SREBF2: variants seen among roughly 807,000 people sequenced by gnomAD.
The protein encoded by SREBF2 is sterol regulatory element-binding protein 2.
Under a neutral mutation model 113.1 loss-of-function variants are expected in SREBF2, and 55 were observed. The observed-to-expected ratio is 0.49, with a 90% CI of 0.39 to 0.61. The LOEUF is 0.61. Ranked by LOEUF, SREBF2 falls within the 20% of genes least tolerant of loss-of-function variation. The pLI is 0.00. For missense variants in SREBF2, 1,349 were observed against 1,487.4 expected, an observed-to-expected ratio of 0.91 and a Z score of 1.53; for synonymous variants, 593 against 605.7, an observed-to-expected ratio of 0.98 and a Z score of 0.31.
At chr22:41,866,682 T>G in intron 1 of SREBF2, 149 bp from the exon 2 acceptor site, 1 of 903,650 alleles carries the variant, frequency 1.1e-6, no homozygotes, top group Admixed American at 1.9e-5. Flanking sequence ...GCCCAGATGA[T>G]CCCCACAAGA....
In SREBF2 at chr22:41,903,089, G is replaced by A. The variant is rs978272545; in HGVS notation, c.3027G>A (p.Ala1009=). ...ETYHASGAEL[A]GFQRDLGSLR... is the part of the protein sequence containing the mutation. Reference sequence around the variant, plus strand: ...ACCACGCGTCAGGCGCTGAACTGGCGGGCTTCCAACGGGACCTGGGCAGCC... The same window carrying A: ...ACCACGCGTCAGGCGCTGAACTGGCAGGCTTCCAACGGGACCTGGGCAGCC... The change falls in exon 17 of 19, where the codon GCG becomes GCA. Residue 1009 remains alanine, a synonymous_variant. Transcript: ENST00000361204. 13 of 1,582,002 alleles carry A rather than the reference G, an allele frequency of 8.2e-6. No homozygotes were observed. Among genetic ancestry groups the A allele is most frequent in the African/African-American group, 8.1e-5 (6 of 74,152 alleles).
intron 1 of SREBF2, among the ~76,000 whole-genome samples, chr22:41,852,087 C>T (rs1355072762): frequency 2.6e-5 from 4 of 151,932 alleles, no homozygotes; most frequent in Non-Finnish European, 5.9e-5. Flanking sequence ...TGCCACTGCA[C>T]TCCAGCCTGG....
chr22:41,848,445 C>G (rs528389589), intron 1 of SREBF2, among the ~76,000 whole-genome samples: 1 of 152,184 alleles, frequency 6.6e-6, no homozygotes, highest in Non-Finnish European at 1.5e-5. Flanking sequence ...ATAAGAGAGA[C>G]AGCCTTTCAA....
At chr22:41,896,684 A>G (rs1240159936) in intron 13 of SREBF2, among the ~76,000 whole-genome samples, 1 of 152,198 alleles carries the variant, frequency 6.6e-6, no homozygotes, top group East Asian at 1.9e-4. Context: ...TACAAGGCCC[A>G]GATCCTGATT....
At chr22:41,900,856 G>C in intron 16 of SREBF2, 1 of 510,292 alleles carries the variant, frequency 2.0e-6, no homozygotes, top group Non-Finnish European at 3.9e-6. Context: ...CAGCCTTGGA[G>C]TGGGTTCCTG....
chr22:41,900,265 C>T (rs986012821), intron 15 of SREBF2, 65 bp from the exon 16 acceptor site: 1 of 1,587,326 alleles, frequency 6.3e-7, no homozygotes, highest in East Asian at 2.3e-5. Context: ...CTGGCTTGGG[C>T]CCCTCTGCCT....
chr22:41,904,943 G>A lies in SREBF2; in HGVS notation c.3174G>A (p.Leu1058=), dbSNP rs974556422. 3.1e-6 allele frequency: 5 copies of A among 1,602,704 alleles called. No homozygotes were observed. The highest frequency in any genetic ancestry group is 1.3e-5 in the African/African-American group (1 of 74,850). ...CCCACCAGCTGCTGGAACACAGCCT[G>A]CGGCGGCGCACCACGCAGAGCACCA... ...TRTHQLLEHS[L]RRRTTQSTKH... Residue 1058 remains leucine, a synonymous_variant, in exon 18 of 19, where the codon CTG becomes CTA. Coordinates refer to ENST00000361204, the MANE Select transcript of SREBF2 (RefSeq NM_004599.4).
intron 1 of SREBF2, among the ~76,000 whole-genome samples, chr22:41,861,174 A>G (rs1569383717): frequency 2.0e-5 from 3 of 152,222 alleles, no homozygotes; most frequent in Non-Finnish European, 4.4e-5. Flanking sequence ...AGAAATCTGG[A>G]AGGGCACACA....
chr22:41,888,621 T>C (rs1030018574), intron 11 of SREBF2, among the ~76,000 whole-genome samples: 11 of 152,218 alleles, frequency 7.2e-5, no homozygotes, highest in African/African-American at 2.7e-4. Flanking sequence ...CAGAGGTACT[T>C]GATGCTGCTG....
chr22:41,862,990 C>A (rs1441376276), intron 1 of SREBF2, among the ~76,000 whole-genome samples: 1 of 152,200 alleles, frequency 6.6e-6, no homozygotes, highest in Non-Finnish European at 1.5e-5. Context: ...GGTTACTTCA[C>A]CACACCAGCC....
intron 17 of SREBF2, 122 bp downstream of exon 17, chr22:41,903,277 T>A (rs2077480387): frequency 1.6e-6 from 2 of 1,226,286 alleles, no homozygotes; most frequent in Admixed American, 4.0e-5. Context: ...CCTGGTGACC[T>A]GTCGAGCACC....
intron 18 of SREBF2, 120 bp from the exon 19 acceptor site, chr22:41,905,320 C>T: frequency 1.0e-6 from 1 of 991,594 alleles, no homozygotes; most frequent in Non-Finnish European, 1.5e-6. Context: ...TTGGGTGGGG[C>T]AGCAGACCCC....
In SREBF2 at chr22:41,867,198, C is replaced by G. The variant is rs767833964; in HGVS notation, c.456C>G (p.Ile152Met). ...QTQLQQQTVMITPTFSTTPQT... is the reference protein window; with the variant it reads ...QTQLQQQTVMMTPTFSTTPQT... ...AGCTGCAACAACAGACGGTAATGAT[C>G]ACGCCAACATTCAGCACCACTCCGC... The change falls in exon 2 of 19, where the codon ATC (isoleucine) becomes ATG (methionine). Residue 152 changes from isoleucine to methionine, a missense_variant. By Grantham distance (10) the Ile-to-Met change is conservative. Transcript: ENST00000361204. 1 of 1,614,210 alleles carries G rather than the reference C, an allele frequency of 6.2e-7. No individual in the cohort carries two copies. The highest frequency in any genetic ancestry group is 2.2e-5 in the East Asian group (1 of 44,892).
At chr22:41,897,365 G>T (rs1018107339) in intron 14 of SREBF2, among the ~76,000 whole-genome samples, 1 of 152,142 alleles carries the variant, frequency 6.6e-6, no homozygotes, top group Non-Finnish European at 1.5e-5. Flanking sequence ...GAGAAGTAGG[G>T]CAATGAGTAA....
rs1479202560 is a variant in SREBF2, at chr22:41,903,036, A to G, written c.2974A>G (p.Ser992Gly). 2 of 1,609,742 alleles carry G rather than the reference A, an allele frequency of 1.2e-6. No individual in the cohort carries two copies. The highest frequency in any genetic ancestry group is 1.7e-5 in the Admixed American group (1 of 59,694). ...LRTALWQKQA[S>G]ASQAVGETYH... ...GACAGCGCTCTGGCAAAAACAGGCC[A>G]GTGCCAGCCAGGCTGTGGGGGAGAC... Residue 992 changes from serine to glycine, a missense_variant, in exon 17 of 19, where the codon AGT becomes GGT. Around this residue, in one of 2 missense-constraint regions of SREBF2, gnomAD observed 650 missense variants for 644.1 expected, o/e 1.01. Coordinates refer to ENST00000361204, the MANE Select transcript of SREBF2 (RefSeq NM_004599.4).
chr22:41,851,540 C>G (rs1222950614), intron 1 of SREBF2, among the ~76,000 whole-genome samples: 1 of 152,006 alleles, frequency 6.6e-6, no homozygotes, highest in Non-Finnish European at 1.5e-5. Context: ...GTCCCCCAGT[C>G]TGGAGTGCAA....
chr22:41,881,523 A>G (rs2077245706), intron 10 of SREBF2, among the ~76,000 whole-genome samples: 1 of 152,188 alleles, frequency 6.6e-6, no homozygotes, highest in South Asian at 2.1e-4. Flanking sequence ...TTTGCATGGA[A>G]GGATGCATAG....
intron 1 of SREBF2, among the ~76,000 whole-genome samples, chr22:41,866,231 G>A (rs975254323): frequency 2.0e-5 from 3 of 152,166 alleles, no homozygotes; most frequent in African/African-American, 7.2e-5. Context: ...TACAAAGGTA[G>A]TTCCTTTTAT....
rs893161888 is a variant in SREBF2 at position 41,862,455 on chromosome 22, G to A, written c.89-4376G>A. On this transcript the variant is annotated intron_variant, in intron 1 of 18. Coordinates refer to ENST00000361204, the MANE Select transcript of SREBF2 (RefSeq NM_004599.4). Reference sequence around the variant, plus strand: ...GAGCTTGAGCGTGCCAGCCTAGCTCGTGGGAGGCCTGTCTCTGGCCCTGAG... The same window carrying A: ...GAGCTTGAGCGTGCCAGCCTAGCTCATGGGAGGCCTGTCTCTGGCCCTGAG... Among the ~76,000 whole-genome samples the A allele has an allele frequency of 1.1e-4, 17 of 152,326 alleles. No individual in the cohort carries two copies. In the East Asian group the frequency reaches 3.3e-3, roughly 29 times the overall value.
Sources: allele counts gnomAD v4.1 joint callset (sites outside exome capture counted in the v4.1 genomes callset), GRCh38; gene constraint gnomAD v4.1.1; regional missense constraint gnomAD v4.1.1; transcripts MANE v1.5; gene names NCBI Gene and HGNC (gene_info 2026-07-23, HGNC 2026-07-21).